Variants in RGS7 observed in about 807,000 individuals in gnomAD.
RGS7 encodes regulator of G-protein signaling 7.
Under a neutral mutation model 81.1 loss-of-function variants are expected in RGS7, and 27 were observed. The ratio of observed to expected loss-of-function variants is 0.33; its 90% CI spans 0.25 to 0.46. The LOEUF (loss-of-function observed/expected upper bound fraction) is 0.46. Ranked by LOEUF, RGS7 falls within the 20% of genes least tolerant of loss-of-function variation. The pLI is 1.00. For synonymous variants in RGS7, 208 were observed against 207.7 expected (o/e 1.00, Z -0.01); for missense variants, 396 against 607.4 (o/e 0.65, Z 3.66).
chr1:241,187,459 G>A (rs1409620938), intron 2 of RGS7, among the ~76,000 whole-genome samples: 2 of 152,014 alleles, frequency 1.3e-5, no homozygotes, highest in African/African-American at 2.4e-5. Context: ...ACTTTTGGGA[G>A]AAAAAATGAT....
chr1:240,956,652 G>A (rs1376712186), intron 4 of RGS7, among the ~76,000 whole-genome samples: 1 of 152,050 alleles, frequency 6.6e-6, no homozygotes, highest in Non-Finnish European at 1.5e-5. Flanking sequence ...CATGTTTATA[G>A]TGTACACACT....
At chr1:241,291,648 G>A (rs1430071642) in intron 2 of RGS7, among the ~76,000 whole-genome samples, 8 of 142,888 alleles carry the variant, frequency 5.6e-5, no homozygotes, top group Admixed American at 3.0e-4. Context: ...GCATGATCTC[G>A]GCTCACTGAA....
intron 4 of RGS7, among the ~76,000 whole-genome samples, chr1:240,975,882 C>T (rs1184724111): frequency 6.6e-6 from 1 of 152,176 alleles, no homozygotes; most frequent in East Asian, 1.9e-4. Context: ...CCAGTAATGG[C>T]CCCAATTTGC....
intron 3 of RGS7, among the ~76,000 whole-genome samples, chr1:241,068,934 GGTT>G (rs1284477712): frequency 6.6e-6 from 1 of 151,960 alleles, no homozygotes; most frequent in African/African-American, 2.4e-5. Flanking sequence ...CATGAGATTT[GGTT>G]GTTTGTTTAA....
rs768977009 is a variant in RGS7 at position 240,873,360 on chromosome 1, C to T, written c.386-3241G>A. Among the ~76,000 whole-genome samples the T allele has an allele frequency of 1.2e-3, 184 of 152,130 alleles. 1 individual carries two copies. Among genetic ancestry groups the T allele is most frequent in the Non-Finnish European group, 1.4e-3 (95 of 68,000 alleles). On this transcript the variant is annotated intron_variant, in intron 6 of 18. Transcript: ENST00000440928. ...TTCAATACCAAGTTTAAATATATCT[C>T]CCTGCAGTAGTTTTCTGGGAGATCA...
At chr1:240,847,349 T>C (rs1465877441) in intron 9 of RGS7, among the ~76,000 whole-genome samples, 1 of 152,008 alleles carries the variant, frequency 6.6e-6, no homozygotes, top group Non-Finnish European at 1.5e-5. Flanking sequence ...CCATTTCAAA[T>C]GAGAAGTTTG....
chr1:240,954,577 A>G (rs1680056135), intron 4 of RGS7, among the ~76,000 whole-genome samples: 1 of 151,886 alleles, frequency 6.6e-6, no homozygotes, highest in Admixed American at 6.6e-5. Flanking sequence ...ACTCTTAGCA[A>G]TCTAGGATCA....
chr1:241,055,910 T>A (rs2061455356), intron 3 of RGS7, among the ~76,000 whole-genome samples: 1 of 152,236 alleles, frequency 6.6e-6, no homozygotes, highest in Non-Finnish European at 1.5e-5. Context: ...TTAGGAGCTA[T>A]GTGCTAGAAA....
At chr1:240,911,066 C>G (rs1242572551) in intron 6 of RGS7, among the ~76,000 whole-genome samples, 3 of 152,122 alleles carry the variant, frequency 2.0e-5, no homozygotes, top group African/African-American at 7.2e-5. Flanking sequence ...TGGGCAAAAG[C>G]TAAACATCTG....
chr1:241,022,934 A>G (rs891187405), intron 3 of RGS7, among the ~76,000 whole-genome samples: 2 of 152,124 alleles, frequency 1.3e-5, no homozygotes, highest in Non-Finnish European at 2.9e-5. Flanking sequence ...CCTACCATGG[A>G]GATACCACTA....
intron 4 of RGS7, among the ~76,000 whole-genome samples, chr1:240,976,958 T>C (rs1465575398): frequency 6.6e-6 from 1 of 151,380 alleles, no homozygotes. Flanking sequence ...ATCTATATCT[T>C]CTATCATCTA....
chr1:241,308,194 A>G (rs2148539860), intron 2 of RGS7, among the ~76,000 whole-genome samples: 1 of 152,232 alleles, frequency 6.6e-6, no homozygotes, highest in African/African-American at 2.4e-5. Context: ...TGTTTTCTTT[A>G]GCCTGCAGGC....
In RGS7 at chr1:240,896,624, T is replaced by G. The variant is rs1317349452; in HGVS notation, c.386-26505A>C. On this transcript the variant is annotated intron_variant, in intron 6 of 18. Coordinates refer to ENST00000440928, the MANE Select transcript of RGS7 (RefSeq NM_001364886.1). ...TGTGGTATTATTTCTGAGGGCTCCG[T>G]TCTGTTCCACTGGTCTATATCTCTG... Among the ~76,000 whole-genome samples the G allele has an allele frequency of 2.0e-5, 3 of 152,336 alleles. No homozygotes were observed. In the East Asian group the frequency reaches 5.8e-4, roughly 29 times the overall value.
chr1:241,166,411 C>T (rs2070246521), intron 2 of RGS7, among the ~76,000 whole-genome samples: 1 of 151,866 alleles, frequency 6.6e-6, no homozygotes, highest in Non-Finnish European at 1.5e-5. Flanking sequence ...ATCTGAGGTG[C>T]AGAGATGGCA....
intron 3 of RGS7, among the ~76,000 whole-genome samples, chr1:241,086,644 A>G (rs908593358): frequency 2.6e-5 from 4 of 152,146 alleles, no homozygotes; most frequent in African/African-American, 9.6e-5. Flanking sequence ...TTTGGAAAAA[A>G]AAAAAGAAAA....
intron 3 of RGS7, among the ~76,000 whole-genome samples, chr1:241,012,225 A>G (rs764509787): frequency 2.6e-4 from 39 of 152,156 alleles, no homozygotes; most frequent in Admixed American, 1.3e-4. Flanking sequence ...GCAGAGGGCA[A>G]CACGCAGATA....
intron 4 of RGS7, among the ~76,000 whole-genome samples, chr1:240,945,348 C>T (rs1678428207): frequency 6.6e-6 from 1 of 152,164 alleles, no homozygotes; most frequent in African/African-American, 2.4e-5. Flanking sequence ...GTACACAGAG[C>T]AAATGAATGC....
At chr1:240,911,879 C>T (rs949128691) in intron 6 of RGS7, among the ~76,000 whole-genome samples, 3 of 151,868 alleles carry the variant, frequency 2.0e-5, no homozygotes, top group Non-Finnish European at 2.9e-5. Context: ...CAGTGGCTCA[C>T]GCCTGTAATC....
At chr1:240,899,266 A>C (rs1669586043) in intron 6 of RGS7, among the ~76,000 whole-genome samples, 1 of 152,120 alleles carries the variant, frequency 6.6e-6, no homozygotes, top group African/African-American at 2.4e-5. Flanking sequence ...TTTTAATTGA[A>C]GCATTTAGCC....
Sources: allele counts gnomAD v4.1 joint callset (sites outside exome capture counted in the v4.1 genomes callset), GRCh38; gene constraint gnomAD v4.1.1; transcripts MANE v1.5; gene names NCBI Gene and HGNC (gene_info 2026-07-23, HGNC 2026-07-21).